Variants in NBEA observed in about 807,000 individuals in gnomAD.
NBEA encodes the protein lysosomal-trafficking regulator 2.
A neutral mutation model predicts 343.4 loss-of-function variants in NBEA; 44 were observed. The observed-to-expected ratio is 0.13, with a 90% CI of 0.10 to 0.16. The LOEUF (loss-of-function observed/expected upper bound fraction) is 0.16. Among genes scored for constraint, NBEA ranks in the 10% least tolerant of loss-of-function variants. NBEA has a pLI of 1.00. For missense variants in NBEA, 2,555 were observed against 3,631.3 expected (o/e 0.70, Z 7.62); for synonymous variants, 1,175 against 1,238.7 (o/e 0.95, Z 1.08).
intron 51 of NBEA, among the ~76,000 whole-genome samples, chr13:35,647,391 G>T (rs966315316): frequency 6.6e-6 from 1 of 152,196 alleles, no homozygotes; most frequent in South Asian, 2.1e-4. Context: ...TGTATAAGGT[G>T]TTATTTTGTG....
At chr13:35,482,809 G>A (rs981536283) in intron 41 of NBEA, among the ~76,000 whole-genome samples, 1 of 151,626 alleles carries the variant, frequency 6.6e-6, no homozygotes, top group Non-Finnish European at 1.5e-5. Context: ...TATGAATTCT[G>A]ACAAATATAT....
intron 18 of NBEA, among the ~76,000 whole-genome samples, chr13:35,151,312 G>T (rs1017703828): frequency 6.6e-6 from 1 of 151,962 alleles, no homozygotes; most frequent in Non-Finnish European, 1.5e-5. Flanking sequence ...GGGAGGCCGA[G>T]GTGGGTGGAT....
At chr13:35,354,568 T>C (rs2152867540) in intron 38 of NBEA, among the ~76,000 whole-genome samples, 2 of 152,270 alleles carry the variant, frequency 1.3e-5, no homozygotes, top group Non-Finnish European at 2.9e-5. Flanking sequence ...AGGTGTCTTC[T>C]TTCCTTGCAC....
rs976753049 is a variant in NBEA at position 35,159,187 on chromosome 13, C to G, written c.3016C>G (p.Leu1006Val). 6.2e-7 allele frequency: 1 copy of G among 1,613,548 alleles called. No individual in the cohort carries two copies. The change falls in exon 22 of 59, where the codon CTT (leucine) becomes GTT (valine). Residue 1006 changes from leucine to valine, a missense_variant. Leu to Val is a conservative substitution (Grantham distance 32). Coordinates refer to ENST00000379939, the MANE Select transcript of NBEA (RefSeq NM_001385012.1). ...AATGGAAATTCGAGAGATAGAAGATCTTTCACAAAGCCAGAGCCCAGAAAG... is the reference window on the plus strand; with the variant it reads ...AATGGAAATTCGAGAGATAGAAGATGTTTCACAAAGCCAGAGCCCAGAAAG... ...GGMEIREIED[L>V]SQSQSPESET...
chr13:35,203,965 T>C (rs1474838423), intron 31 of NBEA, among the ~76,000 whole-genome samples: 1 of 152,102 alleles, frequency 6.6e-6, no homozygotes, highest in Non-Finnish European at 1.5e-5. Flanking sequence ...AAAAATTCCA[T>C]TGGTAAGGAA....
intron 33 of NBEA, 151 bp from the exon 34 acceptor site, chr13:35,232,341 T>C (rs1021642164): frequency 1.8e-6 from 1 of 564,580 alleles, no homozygotes; most frequent in Non-Finnish European, 3.0e-6. Context: ...TGTGAAACTG[T>C]ACAGGGTATC....
intron 28 of NBEA, 61 bp from the exon 29 acceptor site, chr13:35,182,299 G>T: frequency 2.7e-6 from 4 of 1,481,332 alleles, no homozygotes; most frequent in Non-Finnish European, 2.7e-6. Flanking sequence ...AGTTTCTAGT[G>T]CTTTAAGAAC....
At chr13:35,553,171 C>T (rs2079421237) in intron 43 of NBEA, among the ~76,000 whole-genome samples, 1 of 152,116 alleles carries the variant, frequency 6.6e-6, no homozygotes, top group African/African-American at 2.4e-5. Context: ...GGATTACAGG[C>T]AACAGTCACC....
At chr13:35,385,306 C>T (rs2042193541) in intron 38 of NBEA, among the ~76,000 whole-genome samples, 1 of 152,002 alleles carries the variant, frequency 6.6e-6, no homozygotes, top group African/African-American at 2.4e-5. Context: ...TTTTGCCTTG[C>T]TTTTTTCTTT....
chr13:35,224,530 T>TCATTGAGTCTTTTGATAAGTC (rs2074548428), intron 33 of NBEA, among the ~76,000 whole-genome samples: 1 of 152,176 alleles, frequency 6.6e-6, no homozygotes, highest in East Asian at 1.9e-4. Flanking sequence ...TTCCTTGGCT[T>TCATTGAGTCTTTTGATAAGTC]CATTGAGTCT....
At chr13:34,969,360 T>C (rs1412292722) in intron 1 of NBEA, among the ~76,000 whole-genome samples, 2 of 152,112 alleles carry the variant, frequency 1.3e-5, no homozygotes, top group Admixed American at 1.3e-4. Flanking sequence ...TTTTTCTTTT[T>C]TTCTGGCTTG....
intron 46 of NBEA, among the ~76,000 whole-genome samples, chr13:35,585,976 A>T (rs1435921123): frequency 6.6e-6 from 1 of 152,036 alleles, no homozygotes; most frequent in Non-Finnish European, 1.5e-5. Context: ...CTTTTCCTTT[A>T]TTCTTGCCTT....
chr13:35,641,060 A>G (rs1405488017), intron 49 of NBEA, among the ~76,000 whole-genome samples: 2 of 152,104 alleles, frequency 1.3e-5, no homozygotes, highest in African/African-American at 2.4e-5. Flanking sequence ...TTTCATTTCT[A>G]CTTTAACAAT....
intron 48 of NBEA, among the ~76,000 whole-genome samples, chr13:35,607,200 C>T (rs1463922061): frequency 6.6e-6 from 1 of 152,100 alleles, no homozygotes; most frequent in African/African-American, 2.4e-5. Flanking sequence ...TAGGCAAATG[C>T]CACCATGCCA....
Position 35,045,317 on chromosome 13 carries a change from A to G in NBEA, c.639A>G (p.Ala213=). The G allele has an allele frequency of 6.2e-7, 1 of 1,606,874 alleles. No homozygotes were observed. The highest frequency in any genetic ancestry group is 1.1e-5 in the South Asian group (1 of 89,112). The stretch of plus-strand genomic sequence containing the variant: ...TATTGTTTCCCCAGCCAAGACATGC[A>G]GTAAAATTATTATCAGTTCTTAATC... ...RGESGIWPRH[A]VKLLSVLNQM... Residue 213 remains alanine (A), a synonymous_variant, in exon 4 of 59, where the codon GCA becomes GCG. Coordinates refer to ENST00000379939, the MANE Select transcript of NBEA (RefSeq NM_001385012.1).
rs893893547 is a variant in NBEA, at chr13:35,567,242, A to G, written c.7035+225A>G. ...AAAATGAAATGGGTATTTGAGAAAC[A>G]GCAGATGTAGAGAGAGTTTTCTCAT... On this transcript the variant is annotated intron_variant, in intron 45 of 58. Coordinates refer to ENST00000379939, the MANE Select transcript of NBEA (RefSeq NM_001385012.1). Among the ~76,000 whole-genome samples, 8 of 152,218 alleles carry G rather than the reference A, an allele frequency of 5.3e-5. No homozygotes were observed. The East Asian group carries it at 1.2e-3, about 22-fold the overall frequency.
chr13:35,633,350 C>T (rs1286004652), intron 49 of NBEA, among the ~76,000 whole-genome samples: 1 of 150,196 alleles, frequency 6.7e-6, no homozygotes, highest in Non-Finnish European at 1.5e-5. Flanking sequence ...GATCCGCCCA[C>T]CTCGGCCTTC....
At chr13:35,217,942 A>C (rs960083352) in intron 33 of NBEA, among the ~76,000 whole-genome samples, 1 of 152,112 alleles carries the variant, frequency 6.6e-6, no homozygotes, top group Non-Finnish European at 1.5e-5. Flanking sequence ...AGGTTTTGGG[A>C]AATTTTTTTC....
intron 33 of NBEA, among the ~76,000 whole-genome samples, chr13:35,226,623 T>C (rs1413777585): frequency 1.3e-5 from 2 of 152,178 alleles, no homozygotes; most frequent in East Asian, 3.9e-4. Context: ...TATTTCACTA[T>C]AGTTAAATTT....
Sources: gnomAD v4.1 joint callset for allele counts (sites outside exome capture counted in the v4.1 genomes callset) on GRCh38, gnomAD v4.1.1 for gene constraint, MANE v1.5 for transcripts, NCBI Gene and HGNC (gene_info 2026-07-23, HGNC 2026-07-21) for gene names.